Variants in PPP1R17 observed in about 807,000 individuals in gnomAD.
PPP1R17 encodes protein phosphatase 1 regulatory subunit 17, also known as G-substrate.
A neutral mutation model predicts 15.9 loss-of-function variants in PPP1R17; 12 were observed. That is an observed-to-expected ratio of 0.75 (90% CI 0.48 to 1.22). PPP1R17 has a LOEUF of 1.22. Among genes scored for constraint, PPP1R17 ranks in the 50% most tolerant of loss-of-function variants. The probability of loss-of-function intolerance (pLI) is 0.00; values close to 1 mark genes in which losing one functional copy is unlikely to be tolerated. For missense variants in PPP1R17, 211 were observed against 187.3 expected, an observed-to-expected ratio of 1.13 and a Z score of -0.74; for synonymous variants, 63 against 64.5, an observed-to-expected ratio of 0.98 and a Z score of 0.11.
At chr7:31,705,790 GA>G (rs1391255804) in intron 4 of PPP1R17, among the ~76,000 whole-genome samples, 2 of 151,896 alleles carry the variant, frequency 1.3e-5, no homozygotes, top group Non-Finnish European at 2.9e-5. Flanking sequence ...CAGTGGTGGG[GA>G]AGCTGGCTGG....
At chr7:31,701,731 C>G (rs965708386) in intron 4 of PPP1R17, among the ~76,000 whole-genome samples, 16 of 152,366 alleles carry the variant, frequency 1.1e-4, no homozygotes, top group South Asian at 6.2e-4. Flanking sequence ...CTACTCTGAT[C>G]AGTCAGCAGC....
chr7:31,699,393 A>AT (rs750533425), intron 4 of PPP1R17, among the ~76,000 whole-genome samples: 2 of 152,160 alleles, frequency 1.3e-5, no homozygotes, highest in Non-Finnish European at 2.9e-5. Flanking sequence ...TTCACAGAGG[A>AT]TTTTTTGGCA....
intron 4 of PPP1R17, among the ~76,000 whole-genome samples, chr7:31,701,491 T>C (rs1778453466): frequency 2.6e-5 from 4 of 152,232 alleles, no homozygotes; most frequent in Admixed American, 2.6e-4. Flanking sequence ...GTGAACATTG[T>C]TGAAATGACA....
At chr7:31,702,588 A>G (rs1480583228) in intron 4 of PPP1R17, among the ~76,000 whole-genome samples, 12 of 152,222 alleles carry the variant, frequency 7.9e-5, no homozygotes. Flanking sequence ...TATTAGTCAC[A>G]GCATGCAAAT....
intron 4 of PPP1R17, among the ~76,000 whole-genome samples, chr7:31,704,483 G>T (rs1792985640): frequency 1.3e-5 from 2 of 152,194 alleles, no homozygotes; most frequent in Admixed American, 1.3e-4. Context: ...AGAGGACGAA[G>T]GGAAGGAAAT....
intron 2 of PPP1R17, among the ~76,000 whole-genome samples, chr7:31,695,122 A>G (rs746710481): frequency 2.0e-5 from 3 of 147,018 alleles, no homozygotes; most frequent in Non-Finnish European, 3.0e-5. Flanking sequence ...AAAAGAATGG[A>G]GGCGCGTTTA....
In PPP1R17 at chr7:31,707,394, G is replaced by T. The variant is rs1793114026; in HGVS notation, c.*111G>T. On this transcript the variant is annotated 3_prime_UTR_variant, in exon 5 of 5. Coordinates refer to ENST00000342032, the MANE Select transcript of PPP1R17 (RefSeq NM_006658.5). Reference sequence around the variant, plus strand: ...CATTTTTGTCATCGTCTGACTTGAAGATTCAGACACCTTCTCCCCAGGAGA... The same window carrying T: ...CATTTTTGTCATCGTCTGACTTGAATATTCAGACACCTTCTCCCCAGGAGA... 2.3e-6 allele frequency: 2 copies of T among 860,696 alleles called. No homozygotes were observed. The highest frequency in any genetic ancestry group is 3.6e-6 in the Non-Finnish European group (2 of 558,602). The allele number at this position is 860,696 out of a possible 1,614,324, so 53.3% of individuals were successfully genotyped here. A position where few individuals can be genotyped will look rare whatever the true frequency, so the allele number is the denominator to read the frequency against.
At chr7:31,698,851 G>A (rs1014200700) in intron 4 of PPP1R17, among the ~76,000 whole-genome samples, 6 of 152,202 alleles carry the variant, frequency 3.9e-5, no homozygotes, top group African/African-American at 1.4e-4. Flanking sequence ...AGAGACCTCA[G>A]GAAAATGTGG....
chr7:31,698,380 A>T (rs2284228), intron 4 of PPP1R17, among the ~76,000 whole-genome samples: 20,283 of 151,980 alleles, frequency 0.13, 1,577 homozygotes, highest in East Asian at 0.36. Context: ...AATTACCTCT[A>T]TCTATCCCTT....
chr7:31,707,141 T>C (rs920751332), intron 4 of PPP1R17, 63 bp from the exon 5 acceptor site: 22 of 1,482,898 alleles, frequency 1.5e-5, no homozygotes. Context: ...TGTGTCTGTC[T>C]GCAACGTTGC....
intron 2 of PPP1R17, among the ~76,000 whole-genome samples, chr7:31,692,994 C>A (rs185997184): frequency 2.0e-5 from 3 of 151,982 alleles, no homozygotes; most frequent in Non-Finnish European, 4.4e-5. Flanking sequence ...CCAGAACTGA[C>A]TTTTTGCATA....
In PPP1R17 at chr7:31,689,785, C is replaced by A. The variant is rs529482337; in HGVS notation, c.-37+2479C>A. On this transcript the variant is annotated intron_variant, in intron 1 of 4. Transcript: ENST00000342032. ...TCTCCTAAGAAGTCCGTAATGACAT[C>A]ATTCATGATAAAAGTATCTTCTAAC... Among the ~76,000 whole-genome samples the A allele has an allele frequency of 9.8e-5, 15 of 152,302 alleles. No homozygotes were observed. The South Asian group carries it at 3.1e-3, about 32-fold the overall frequency.
intron 3 of PPP1R17, chr7:31,695,889 G>GTC (rs1792559339): frequency 3.7e-6 from 1 of 268,616 alleles, no homozygotes. Context: ...GCTTCAAAGA[G>GTC]TCATTCAGGG....
At chr7:31,699,180 C>G (rs374022046) in intron 4 of PPP1R17, among the ~76,000 whole-genome samples, 1,000 of 73,210 alleles carry the variant, frequency 0.014, 9 homozygotes, top group African/African-American at 0.066. Flanking sequence ...AGGAAAGGTT[C>G]TGAGGACTGC....
intron 2 of PPP1R17, among the ~76,000 whole-genome samples, chr7:31,695,251 T>G (rs1379806020): frequency 6.6e-6 from 1 of 152,182 alleles, no homozygotes; most frequent in Non-Finnish European, 1.5e-5. Flanking sequence ...TTTCCTTAAT[T>G]TGGAGTTTTA....
At chr7:31,703,583 C>T (rs1792943930) in intron 4 of PPP1R17, among the ~76,000 whole-genome samples, 1 of 152,178 alleles carries the variant, frequency 6.6e-6, no homozygotes, top group Admixed American at 6.5e-5. Context: ...AGCTGAAGTA[C>T]TTTATTTTTG....
chr7:31,693,295 G>A (rs1792435342), intron 2 of PPP1R17, among the ~76,000 whole-genome samples: 1 of 152,214 alleles, frequency 6.6e-6, no homozygotes, highest in African/African-American at 2.4e-5. Context: ...TGACAGGTTT[G>A]TACCTCAAGA....
intron 4 of PPP1R17, among the ~76,000 whole-genome samples, chr7:31,700,199 C>A (rs1323967975): frequency 6.6e-6 from 1 of 152,074 alleles, no homozygotes; most frequent in East Asian, 1.9e-4. Context: ...GTTGTGAATG[C>A]AAAGGAAAAG....
At chr7:31,692,775 C>T (rs892102850) in intron 2 of PPP1R17, among the ~76,000 whole-genome samples, 39 of 152,164 alleles carry the variant, frequency 2.6e-4, no homozygotes, top group South Asian at 1.2e-3. Flanking sequence ...GAGGAAGCAT[C>T]GTCCTCTTTT....
Sources: gnomAD v4.1 joint callset for allele counts (sites outside exome capture counted in the v4.1 genomes callset) on GRCh38, gnomAD v4.1.1 for gene constraint, MANE v1.5 for transcripts, NCBI Gene and HGNC (gene_info 2026-07-23, HGNC 2026-07-21) for gene names.